The following DCHS1 variants were observed in gnomAD, a reference collection of about 807,000 sequenced individuals.
DCHS1 encodes the protein dachsous cadherin-related 1.
A neutral mutation model predicts 213.9 loss-of-function variants in DCHS1; 78 were observed. The observed-to-expected ratio is 0.36, with a 90% CI of 0.30 to 0.44. The LOEUF is 0.44. Among genes scored for constraint, DCHS1 ranks in the 20% least tolerant of loss-of-function variants. DCHS1 has a pLI of 1.00. For missense variants in DCHS1, 3,946 were observed against 4,395.9 expected (o/e 0.90, Z 2.89); for synonymous variants, 1,828 against 1,873.7 (o/e 0.98, Z 0.63).
Position 6,640,882 on chromosome 11 carries a change from T to C in DCHS1, c.732A>G (p.Thr244=). Reference sequence around the variant, plus strand: ...GGGCATGGTCATTGATGTCCAGCAGTGTCACGTCCAGCAGGGCCTGGGCCC... The same window carrying C: ...GGGCATGGTCATTGATGTCCAGCAGCGTCACGTCCAGCAGGGCCTGGGCCC... ...PRRAQALLDV[T]LLDINDHAPA... Residue 244 remains threonine (T), a synonymous_variant, in exon 2 of 21, where the codon ACA becomes ACG. Transcript: ENST00000299441. The surrounding 1 kb of genome is among the most constrained non-coding windows in gnomAD (Gnocchi z 6.5). 6.2e-7 allele frequency: 1 copy of C among 1,613,988 alleles called. No homozygotes were observed. The highest frequency in any genetic ancestry group is 8.5e-7 in the Non-Finnish European group (1 of 1,179,878).
Position 6,633,561 on chromosome 11 carries a change from T to C in DCHS1, c.2306A>G (p.Gln769Arg). The C allele has an allele frequency of 6.3e-7, 1 of 1,591,996 alleles. No individual in the cohort carries two copies. Among genetic ancestry groups the C allele is most frequent in the Middle Eastern group, 1.7e-4 (1 of 6,040 alleles). The change falls in exon 5 of 21, where the codon CAG becomes CGG. Residue 769 changes from glutamine to arginine, a missense_variant. Gln to Arg is a conservative substitution (Grantham distance 43). This residue lies in a region of DCHS1 where 3,384 missense variants were observed against 3,780.1 expected (regional missense o/e 0.90). Transcript: ENST00000299441. ...GTCCACTCGGGCACTGGGTTCTGCCTGTAGGCCACCTCCGTCCTCAGCCCC... is the reference window on the plus strand; with the variant it reads ...GTCCACTCGGGCACTGGGTTCTGCCCGTAGGCCACCTCCGTCCTCAGCCCC... Reference protein sequence around the residue: ...EIGAEDGGGLQAEPSARVDIS... With the variant: ...EIGAEDGGGLRAEPSARVDIS...
chr11:6,634,405 T>A, intron 2 of DCHS1, 99 bp from the exon 3 acceptor site: 1 of 1,355,676 alleles, frequency 7.4e-7, no homozygotes, highest in Non-Finnish European at 9.9e-7. Context: ...AGTCTCTGGA[T>A]GGCGGACACA....
rs921928324 is a variant in DCHS1 at position 6,632,478 on chromosome 11, C to A, written c.3034G>T (p.Gly1012Cys). ...AGGACCTGAGTTCCAGCAGTGGTGC[C>A]TGAGGGCAGGTCCACACGGTAGGTA... Reference protein sequence around the residue: ...SPTYRVDLPSGTTAGTQVLQV... With the variant: ...SPTYRVDLPSCTTAGTQVLQV... The change falls in exon 6 of 21, where the codon GGC (glycine) becomes TGC (cysteine). Residue 1012 changes from glycine (G) to cysteine (C), a missense_variant. Physicochemically the swap from Gly to Cys is radical, Grantham distance 159 (BLOSUM62 -3). Transcript: ENST00000299441. This position sits in a 1 kb window ranked among gnomAD's most constrained non-coding sequence, Gnocchi z 5.9. 8.2e-6 allele frequency: 13 copies of A among 1,586,750 alleles called. No homozygotes were observed. Among genetic ancestry groups the A allele is most frequent in the African/African-American group, 1.3e-5 (1 of 74,342 alleles).
chr11:6,622,503 G>A lies in DCHS1; in HGVS notation c.9173C>T (p.Ser3058Phe). 6.3e-7 allele frequency: 1 copy of A among 1,576,412 alleles called. No individual in the cohort carries two copies. Among genetic ancestry groups the A allele is most frequent in the Non-Finnish European group, 8.6e-7 (1 of 1,161,412 alleles). Residue 3058 changes from serine (S) to phenylalanine (F), a missense_variant, in exon 21 of 21, where the codon TCC (serine) becomes TTC (phenylalanine). Physicochemically the swap from Ser to Phe is radical, Grantham distance 155. Around this residue, in one of 3 missense-constraint regions of DCHS1, gnomAD observed 554 missense variants for 590.2 expected, o/e 0.94. Transcript: ENST00000299441. The surrounding 1 kb of genome is among the most constrained non-coding windows in gnomAD (Gnocchi z 5.4). ...NEFPRVASVA[S>F]SLAARGPDSG... is the part of the protein sequence containing the mutation. ...GTCAGGGCCACGGGCAGCCAGAGAG[G>A]AGGCCACACTGGCCACACGGGGGAA...
Position 6,633,991 on chromosome 11 carries a change from C to G in DCHS1, c.2016G>C (p.Lys672Asn), listed in dbSNP as rs1855952120. The change falls in exon 4 of 21, where the codon AAG becomes AAC. Residue 672 changes from lysine (K) to asparagine (N), a missense_variant. By Grantham distance (94) the Lys-to-Asn change is moderately conservative. Transcript: ENST00000299441. ...GGGLKSMVYVKVFLSDENDNP... is the reference protein window; with the variant it reads ...GGGLKSMVYVNVFLSDENDNP... ...TGTCATTCTCGTCTGACAGAAACAC[C>G]TTCACATATACCATGGACTTGAGGC... The G allele has an allele frequency of 6.2e-7, 1 of 1,614,006 alleles. No individual in the cohort carries two copies. Among genetic ancestry groups the G allele is most frequent in the Admixed American group, 1.7e-5 (1 of 60,024 alleles).
chr11:6,650,215 A>G (rs1856223711), intron 1 of DCHS1, among the ~76,000 whole-genome samples: 1 of 152,180 alleles, frequency 6.6e-6, no homozygotes, highest in Non-Finnish European at 1.5e-5. Context: ...AGTAGCTTAG[A>G]AAGAGAAAAA....
chr11:6,642,376 G>T (rs555903018), intron 1 of DCHS1, among the ~76,000 whole-genome samples: 1 of 152,196 alleles, frequency 6.6e-6, no homozygotes, highest in Non-Finnish European at 1.5e-5. Flanking sequence ...TACAAGTATG[G>T]TAAGAGTTGT....
chr11:6,644,572 A>G (rs1391964414), intron 1 of DCHS1, among the ~76,000 whole-genome samples: 1 of 152,178 alleles, frequency 6.6e-6, no homozygotes, highest in Non-Finnish European at 1.5e-5. Flanking sequence ...AGCAGCCTCG[A>G]TTTGTTCATG....
In DCHS1 at chr11:6,625,637, G is replaced by A. The variant is rs746316145; in HGVS notation, c.6822C>T (p.Arg2274=). 2.6e-5 allele frequency: 42 copies of A among 1,613,496 alleles called. No homozygotes were observed. Among genetic ancestry groups the A allele is most frequent in the Non-Finnish European group, 3.4e-5 (40 of 1,179,856 alleles). The change falls in exon 18 of 21, where the codon CGC becomes CGT. Residue 2274 remains arginine, a synonymous_variant. Coordinates refer to ENST00000299441, the MANE Select transcript of DCHS1 (RefSeq NM_003737.4). This position sits in a 1 kb window ranked among gnomAD's most constrained non-coding sequence, Gnocchi z 5.3. ...TVMVIDTNDN[R]PTIPQPWELR... ...GCTCCCAGGGTTGGGGGATGGTGGG[G>A]CGATTGTCATTGGTGTCGATGACCA...
chr11:6,632,880 C>T lies in DCHS1; in HGVS notation c.2632G>A (p.Ala878Thr). Residue 878 changes from alanine to threonine, a missense_variant, in exon 6 of 21, where the codon GCT becomes ACT. By Grantham distance (58) the Ala-to-Thr change is moderately conservative (BLOSUM62 0). This residue lies in a region of DCHS1 where 3,384 missense variants were observed against 3,780.1 expected (regional missense o/e 0.90). Transcript: ENST00000299441. The surrounding 1 kb of genome is among the most constrained non-coding windows in gnomAD (Gnocchi z 5.9). ...GSGVPPAFAVARVRVLLDDVN... is the reference protein window; with the variant it reads ...GSGVPPAFAVTRVRVLLDDVN... ...TCATCCAGCAGCACACGCACCCGAG[C>T]TACAGCGAAAGCTGGGGGCACTCCA... 1 of 1,614,026 alleles carries T rather than the reference C, an allele frequency of 6.2e-7. No homozygotes were observed. Among genetic ancestry groups the T allele is most frequent in the Non-Finnish European group, 8.5e-7 (1 of 1,179,892 alleles).
chr11:6,624,125 A>G lies in DCHS1; in HGVS notation c.7551T>C (p.Ala2517=). The G allele has an allele frequency of 6.2e-7, 1 of 1,611,944 alleles. No homozygotes were observed. The highest frequency in any genetic ancestry group is 8.5e-7 in the Non-Finnish European group (1 of 1,179,108). ...TGCCACTGATGATGCTGTAGTCCACAGCGGCATGGCTGCGGCTTCCATCAG... is the reference window on the plus strand; with the variant it reads ...TGCCACTGATGATGCTGTAGTCCACGGCGGCATGGCTGCGGCTTCCATCAG... ...TDADGSRSHA[A]VDYSIISGNW... Residue 2517 remains alanine (A), a synonymous_variant, in exon 21 of 21, where the codon GCT becomes GCC. Transcript: ENST00000299441.
At chr11:6,637,418 C>T (rs980784268) in intron 2 of DCHS1, among the ~76,000 whole-genome samples, 4 of 152,160 alleles carry the variant, frequency 2.6e-5, no homozygotes, top group South Asian at 2.1e-4. Context: ...GGTTATGAAC[C>T]ACTGCTCTAC....
At position 6,627,211 on chromosome 11, in the gene DCHS1, G is replaced by A; in HGVS notation, c.5828C>T (p.Thr1943Ile). 6.2e-7 allele frequency: 1 copy of A among 1,613,262 alleles called. No individual in the cohort carries two copies. Among genetic ancestry groups the A allele is most frequent in the Non-Finnish European group, 8.5e-7 (1 of 1,179,866 alleles). The change falls in exon 14 of 21, where the codon ACA becomes ATA. Residue 1943 changes from threonine to isoleucine, a missense_variant. By Grantham distance (89) the Thr-to-Ile change is moderately conservative. Around this residue, in one of 3 missense-constraint regions of DCHS1, gnomAD observed 3,384 missense variants for 3,780.1 expected, o/e 0.90. Coordinates refer to ENST00000299441, the MANE Select transcript of DCHS1 (RefSeq NM_003737.4). This position sits in a 1 kb window ranked among gnomAD's most constrained non-coding sequence, Gnocchi z 5.4. ...DGAAAGPLST[T>I]VSVTITVRDV... ...GCGCACCGTGATGGTGACAGACACT[G>A]TGGTGCTTAGGGGCCCAGCAGCTGC...
At chr11:6,654,002 G>A (rs1374271933) in intron 1 of DCHS1, among the ~76,000 whole-genome samples, 1 of 152,190 alleles carries the variant, frequency 6.6e-6, no homozygotes, top group Non-Finnish European at 1.5e-5. Flanking sequence ...GAAGGTAACA[G>A]GAGCTAAGGA....
In DCHS1 at chr11:6,641,160, C is replaced by T; in HGVS notation, c.454G>A (p.Val152Ile). ...AFPQARAALQ[V>I]PEHTAFGTRY... is the part of the protein sequence containing the mutation. ...GTGCCAAAAGCTGTATGCTCAGGTA[C>T]CTGCAGGGCAGCCCGAGCCTGTGGG... Residue 152 changes from valine to isoleucine, a missense_variant, in exon 2 of 21, where the codon GTA becomes ATA. Around this residue, in one of 3 missense-constraint regions of DCHS1, gnomAD observed 3,384 missense variants for 3,780.1 expected, o/e 0.90. Transcript: ENST00000299441. This position sits in a 1 kb window ranked among gnomAD's most constrained non-coding sequence, Gnocchi z 7.1. 1.2e-6 allele frequency: 2 copies of T among 1,613,556 alleles called. No individual in the cohort carries two copies. Among genetic ancestry groups the T allele is most frequent in the Non-Finnish European group, 8.5e-7 (1 of 1,179,858 alleles).
At position 6,630,700 on chromosome 11, in the gene DCHS1, A is replaced by G; in HGVS notation, c.4094T>C (p.Leu1365Pro). The G allele has an allele frequency of 6.5e-7, 1 of 1,545,450 alleles. No homozygotes were observed. Among genetic ancestry groups the G allele is most frequent in the Non-Finnish European group, 8.7e-7 (1 of 1,148,358 alleles). Residue 1365 changes from leucine to proline, a missense_variant, in exon 10 of 21, where the codon CTC becomes CCC. Physicochemically the swap from Leu to Pro is moderately conservative, Grantham distance 98 (BLOSUM62 -3). This residue lies in a region of DCHS1 where 3,384 missense variants were observed against 3,780.1 expected (regional missense o/e 0.90). Transcript: ENST00000299441. ...AAPEPAGVGA[L>P]TYTLVGGADP... ...GGCACCGCCCACCAGTGTGTAGGTG[A>G]GTGCACCCACACCCGCGGGCTCTGG...
chr11:6,645,830 T>C (rs188288880), intron 1 of DCHS1, among the ~76,000 whole-genome samples: 2 of 152,242 alleles, frequency 1.3e-5, no homozygotes, highest in East Asian at 3.9e-4. Context: ...CTGTCAGGCT[T>C]ACGAAGATGC....
At position 6,628,563 on chromosome 11, in the gene DCHS1, A is replaced by G. The variant is rs1855848390; in HGVS notation, c.5371+58T>C. 1 of 1,596,290 alleles carries G rather than the reference A, an allele frequency of 6.3e-7. No homozygotes were observed. Among genetic ancestry groups the G allele is most frequent in the Non-Finnish European group, 8.6e-7 (1 of 1,165,544 alleles). ...TGCACTGAGGCTGACAGCAGCCAAG[A>G]AGGAGCAAGAACCAGGCAAGTGGGT... On this transcript the variant is annotated intron_variant, in intron 13 of 20. Coordinates refer to ENST00000299441, the MANE Select transcript of DCHS1 (RefSeq NM_003737.4). The surrounding 1 kb of genome is among the most constrained non-coding windows in gnomAD (Gnocchi z 4.3).
Position 6,630,735 on chromosome 11 carries a change from C to T in DCHS1, c.4059G>A (p.Ser1353=). 1 of 1,544,770 alleles carries T rather than the reference C, an allele frequency of 6.5e-7. No individual in the cohort carries two copies. Among genetic ancestry groups the T allele is most frequent in the Non-Finnish European group, 8.7e-7 (1 of 1,147,498 alleles). The change falls in exon 10 of 21, where the codon TCG becomes TCA. Residue 1353 remains serine (S), a synonymous_variant. Coordinates refer to ENST00000299441, the MANE Select transcript of DCHS1 (RefSeq NM_003737.4). ...CACCCGCGGGCTCTGGCGCTGCCAC[C>T]GAGCCCAACAGAGAGCCGGGCCGCA... is the stretch of plus-strand genomic sequence containing the variant. The part of the protein sequence containing the change: ...EGLRPGSLLG[S]VAAPEPAGVG...
Sources: allele counts gnomAD v4.1 joint callset (sites outside exome capture counted in the v4.1 genomes callset), GRCh38; gene constraint gnomAD v4.1.1; regional missense constraint gnomAD v4.1.1; non-coding constraint Gnocchi (gnomAD v3.1); transcripts MANE v1.5; gene names NCBI Gene and HGNC (gene_info 2026-07-23, HGNC 2026-07-21).